The following DLG2 variants were observed in gnomAD, a reference collection of about 807,000 sequenced individuals.
The protein encoded by DLG2 is disks large homolog 2.
A neutral mutation model predicts 132.5 loss-of-function variants in DLG2; 45 were observed. The observed-to-expected ratio is 0.34, with a 90% CI of 0.27 to 0.44. The LOEUF (loss-of-function observed/expected upper bound fraction) is 0.44. Among genes scored for constraint, DLG2 ranks in the 20% least tolerant of loss-of-function variants. DLG2 has a pLI of 1.00. For missense variants in DLG2, 1,045 were observed against 1,196.9 expected (o/e 0.87, Z 1.87); for synonymous variants, 424 against 419.6 (o/e 1.01, Z -0.13).
At chr11:83,469,125 C>CAAA in intron 25 of DLG2, 76 bp downstream of exon 25, 1 of 996,160 alleles carries the variant, frequency 1.0e-6, no homozygotes, top group Non-Finnish European at 1.4e-6. Flanking sequence ...AGAGTAATGA[C>CAAA]CAAAAAAAAA....
intron 4 of DLG2, among the ~76,000 whole-genome samples, chr11:85,233,588 T>A (rs772596204): frequency 6.6e-6 from 1 of 151,838 alleles, no homozygotes; most frequent in Non-Finnish European, 1.5e-5. Context: ...ACTAATTAGA[T>A]TTTACCAGAG....
intron 6 of DLG2, chr11:84,800,518 C>A (rs542763486): frequency 6.6e-6 from 1 of 152,106 alleles, no homozygotes; most frequent in East Asian, 1.9e-4. Context: ...GAAATCATGC[C>A]CTTGTTTTGC....
At chr11:84,642,708 G>A (rs553501207) in intron 6 of DLG2, among the ~76,000 whole-genome samples, 1 of 152,198 alleles carries the variant, frequency 6.6e-6, no homozygotes, top group East Asian at 1.9e-4. Flanking sequence ...CACTCTACAT[G>A]GACAGTTTTA....
chr11:83,806,842 T>C (rs947370543), intron 17 of DLG2, among the ~76,000 whole-genome samples: 2 of 152,120 alleles, frequency 1.3e-5, no homozygotes, highest in Non-Finnish European at 1.5e-5. Flanking sequence ...CAGTGTCTAA[T>C]AGTGAAAACG....
intron 6 of DLG2, among the ~76,000 whole-genome samples, chr11:84,584,930 C>A (rs554529912): frequency 1.3e-5 from 2 of 150,772 alleles, no homozygotes; most frequent in Non-Finnish European, 1.5e-5. Flanking sequence ...CCTCGTGATC[C>A]GCCCGCCTCG....
intron 4 of DLG2, among the ~76,000 whole-genome samples, chr11:85,223,759 G>C (rs2152619045): frequency 6.6e-6 from 1 of 152,264 alleles, no homozygotes; most frequent in Non-Finnish European, 1.5e-5. Context: ...TTAGGAAGCA[G>C]TTGTAATACC....
intron 7 of DLG2, among the ~76,000 whole-genome samples, chr11:84,442,864 A>G (rs1347968160): frequency 6.6e-6 from 1 of 152,152 alleles, no homozygotes; most frequent in Non-Finnish European, 1.5e-5. Context: ...ATTAGTGCTA[A>G]TGTATATTAA....
At chr11:84,739,067 A>C (rs2064243386) in intron 6 of DLG2, among the ~76,000 whole-genome samples, 1 of 152,188 alleles carries the variant, frequency 6.6e-6, no homozygotes, top group Non-Finnish European at 1.5e-5. Flanking sequence ...AAAAAGAGGC[A>C]TGAGGAATCT....
intron 6 of DLG2, among the ~76,000 whole-genome samples, chr11:84,849,396 C>G (rs951117991): frequency 6.6e-6 from 1 of 152,102 alleles, no homozygotes; most frequent in Non-Finnish European, 1.5e-5. Flanking sequence ...AATCTAAAAT[C>G]CTTCCCATTA....
intron 6 of DLG2, among the ~76,000 whole-genome samples, chr11:85,000,063 T>C (rs1418658850): frequency 6.6e-6 from 1 of 152,122 alleles, no homozygotes; most frequent in African/African-American, 2.4e-5. Flanking sequence ...ATCTCTAACA[T>C]ACCCGTGCAT....
At chr11:84,975,405 C>T (rs1317364975) in intron 6 of DLG2, among the ~76,000 whole-genome samples, 8 of 152,074 alleles carry the variant, frequency 5.3e-5, no homozygotes, top group South Asian at 2.1e-4. Context: ...AAAACTTAGC[C>T]GATACATATC....
At chr11:84,609,515 A>T (rs1419913350) in intron 6 of DLG2, among the ~76,000 whole-genome samples, 2 of 152,174 alleles carry the variant, frequency 1.3e-5, no homozygotes, top group African/African-American at 4.8e-5. Flanking sequence ...ACTCCAGTTA[A>T]GGTCAACCCA....
chr11:84,892,777 C>A (rs931283003), intron 6 of DLG2, among the ~76,000 whole-genome samples: 1 of 151,934 alleles, frequency 6.6e-6, no homozygotes, highest in Admixed American at 6.6e-5. Flanking sequence ...TGCTTCCCAC[C>A]AATTCACTTT....
chr11:85,383,020 C>G (rs749572951), intron 3 of DLG2, among the ~76,000 whole-genome samples: 7 of 152,104 alleles, frequency 4.6e-5, no homozygotes, highest in Non-Finnish European at 1.0e-4. Flanking sequence ...ACACAAGAAT[C>G]TGTATGCAAA....
chr11:85,567,476 T>A (rs1176671746), intron 3 of DLG2, among the ~76,000 whole-genome samples: 4 of 152,202 alleles, frequency 2.6e-5, no homozygotes, highest in Admixed American at 2.6e-4. Context: ...TTTTGTGCAT[T>A]GATTGCTTTT....
intron 16 of DLG2, among the ~76,000 whole-genome samples, chr11:83,859,706 G>A (rs1261898555): frequency 6.6e-6 from 1 of 152,188 alleles, no homozygotes; most frequent in East Asian, 1.9e-4. Context: ...CATAAGTAAT[G>A]AGGAGCTGAA....
At chr11:83,916,908 T>C (rs532134238) in intron 15 of DLG2, among the ~76,000 whole-genome samples, 1 of 152,284 alleles carries the variant, frequency 6.6e-6, no homozygotes, top group Non-Finnish European at 1.5e-5. Context: ...CGTCACAGAC[T>C]ACTGGTGTGA....
At chr11:85,276,542 C>A (rs891411906) in intron 4 of DLG2, among the ~76,000 whole-genome samples, 2 of 152,002 alleles carry the variant, frequency 1.3e-5, no homozygotes, top group Non-Finnish European at 1.5e-5. Flanking sequence ...ATCATTTTAG[C>A]CCATAATTGT....
At chr11:85,023,565 T>G (rs748296928) in intron 6 of DLG2, among the ~76,000 whole-genome samples, 23 of 152,056 alleles carry the variant, frequency 1.5e-4, no homozygotes, top group Non-Finnish European at 3.2e-4. Context: ...TAATAGAGAT[T>G]AAATAAATAC....
Sources: gnomAD v4.1 joint callset for allele counts (sites outside exome capture counted in the v4.1 genomes callset) on GRCh38, gnomAD v4.1.1 for gene constraint, MANE v1.5 for transcripts, NCBI Gene and HGNC (gene_info 2026-07-23, HGNC 2026-07-21) for gene names.